Variants in PALLD observed in about 807,000 individuals in gnomAD.
PALLD encodes palladin.
Under a neutral mutation model 123.5 loss-of-function variants are expected in PALLD, and 61 were observed. The ratio of observed to expected loss-of-function variants is 0.49; its 90% CI spans 0.40 to 0.61. The LOEUF is 0.61. Among genes scored for constraint, PALLD ranks in the 20% least tolerant of loss-of-function variants. PALLD has a pLI of 0.00. For synonymous variants in PALLD, 465 were observed against 496.4 expected (o/e 0.94, Z 0.84); for missense variants, 1,273 against 1,377.0 (o/e 0.92, Z 1.20).
In PALLD at chr4:168,537,123, G is replaced by A. The variant is rs369468397; in HGVS notation, c.908+24711G>A. 5.9e-5 allele frequency among the ~76,000 whole-genome samples: 9 copies of A among 152,142 alleles called. No individual in the cohort carries two copies. The East Asian group carries it at 7.7e-4, about 13-fold the overall frequency. The stretch of plus-strand genomic sequence containing the variant: ...ACAGGCGTGAGCCACCGCGCCCAGC[G>A]GAAAAGATTTTCTAGAGTTTAGTGC... On this transcript the variant is annotated intron_variant, in intron 2 of 21. Coordinates refer to ENST00000505667, the MANE Select transcript of PALLD (RefSeq NM_001166108.2).
At chr4:168,647,490 G>A (rs972001449) in intron 2 of PALLD, among the ~76,000 whole-genome samples, 3 of 152,120 alleles carry the variant, frequency 2.0e-5, no homozygotes, top group African/African-American at 7.2e-5. Context: ...TTAAAAAAGA[G>A]GTGGCATGTG....
chr4:168,848,476 G>GT (rs1259837057), intron 10 of PALLD, among the ~76,000 whole-genome samples: 1 of 151,374 alleles, frequency 6.6e-6, no homozygotes, highest in African/African-American at 2.4e-5. Context: ...GGTGTTCTGT[G>GT]TTTTTTCTCC....
chr4:168,833,724 C>T (rs761384185), intron 10 of PALLD, among the ~76,000 whole-genome samples: 1 of 150,536 alleles, frequency 6.6e-6, no homozygotes, highest in Non-Finnish European at 1.5e-5. Flanking sequence ...AAGACAGCAT[C>T]TTTCTTGCTA....
At chr4:168,879,295 T>C (rs957421133) in intron 10 of PALLD, among the ~76,000 whole-genome samples, 2 of 152,254 alleles carry the variant, frequency 1.3e-5, no homozygotes, top group East Asian at 3.9e-4. Context: ...CTCAAAAAAA[T>C]ACAGTACAGG....
intron 10 of PALLD, among the ~76,000 whole-genome samples, chr4:168,886,257 G>C (rs1296283590): frequency 6.6e-6 from 1 of 151,910 alleles, no homozygotes; most frequent in African/African-American, 2.4e-5. Flanking sequence ...TTTTTTTCTA[G>C]GCTTAACAGG....
At chr4:168,513,305 G>A (rs1225898664) in intron 2 of PALLD, among the ~76,000 whole-genome samples, 1 of 152,194 alleles carries the variant, frequency 6.6e-6, no homozygotes, top group East Asian at 1.9e-4. Flanking sequence ...CTGGCCACTA[G>A]AGCATGGAGA....
At chr4:168,687,171 AT>A (rs530349772) in intron 6 of PALLD, among the ~76,000 whole-genome samples, 12 of 151,990 alleles carry the variant, frequency 7.9e-5, no homozygotes, top group African/African-American at 2.4e-5. Flanking sequence ...AGAAGGAGTG[AT>A]TTTTTTTCCC....
At chr4:168,614,708 A>T (rs1207238073) in intron 2 of PALLD, among the ~76,000 whole-genome samples, 3 of 151,342 alleles carry the variant, frequency 2.0e-5, no homozygotes, top group South Asian at 2.1e-4. Flanking sequence ...TTAACTATTT[A>T]AAAAAAAATC....
intron 2 of PALLD, among the ~76,000 whole-genome samples, chr4:168,627,013 T>C (rs983390221): frequency 6.6e-6 from 1 of 152,174 alleles, no homozygotes; most frequent in African/African-American, 2.4e-5. Context: ...GTTCTGGAGA[T>C]CTTTTGTACA....
chr4:168,649,908 G>T (rs1043970692), intron 2 of PALLD, among the ~76,000 whole-genome samples: 2 of 152,196 alleles, frequency 1.3e-5, no homozygotes, highest in African/African-American at 4.8e-5. Flanking sequence ...GCCAGGCATG[G>T]TGGCTCACGC....
intron 2 of PALLD, among the ~76,000 whole-genome samples, chr4:168,662,858 A>G (rs1052226689): frequency 2.0e-5 from 3 of 152,232 alleles, no homozygotes; most frequent in Middle Eastern, 3.2e-3. Context: ...TCAAAACTCT[A>G]AGATTCTGTT....
Position 168,851,391 on chromosome 4 carries a change from G to A in PALLD, c.1965-39531G>A, listed in dbSNP as rs757001430. Among the ~76,000 whole-genome samples, 4 of 152,140 alleles carry A rather than the reference G, an allele frequency of 2.6e-5. No homozygotes were observed. In the East Asian group the frequency reaches 5.8e-4, roughly 22 times the overall value. On this transcript the variant is annotated intron_variant, in intron 10 of 21. Transcript: ENST00000505667. ...TTTTGTTTTGTTTTGTTTTTGAGACGGAGTCTGGCTGTTTCACCCAGGCTG... is the reference window on the plus strand; with the variant it reads ...TTTTGTTTTGTTTTGTTTTTGAGACAGAGTCTGGCTGTTTCACCCAGGCTG...
At chr4:168,677,260 T>C (rs1780952399) in intron 3 of PALLD, among the ~76,000 whole-genome samples, 1 of 151,098 alleles carries the variant, frequency 6.6e-6, no homozygotes, top group African/African-American at 2.4e-5. Flanking sequence ...AGAATCGCCC[T>C]GAGGGGAAGG....
intron 2 of PALLD, among the ~76,000 whole-genome samples, chr4:168,592,957 A>G (rs1460290017): frequency 2.6e-5 from 4 of 152,092 alleles, no homozygotes; most frequent in African/African-American, 9.7e-5. Context: ...AGTCACATGA[A>G]TTAAGGCTTT....
Position 168,811,614 on chromosome 4 carries a change from T to C in PALLD, c.1965-79308T>C, listed in dbSNP as rs532702415. On this transcript the variant is annotated intron_variant, in intron 10 of 21. Coordinates refer to ENST00000505667, the MANE Select transcript of PALLD (RefSeq NM_001166108.2). ...AGCCGGGCATAGTGGCATGTGCCTG[T>C]AGTCCCCGCTACTCAAGAGACTGAG... Among the ~76,000 whole-genome samples the C allele has an allele frequency of 2.6e-5, 4 of 152,280 alleles. No homozygotes were observed. In the South Asian group the frequency reaches 8.3e-4, roughly 32 times the overall value.
At chr4:168,923,736 C>G (rs1487088196) in intron 18 of PALLD, among the ~76,000 whole-genome samples, 1 of 152,088 alleles carries the variant, frequency 6.6e-6, no homozygotes, top group Non-Finnish European at 1.5e-5. Context: ...ATAAAGATGC[C>G]TCCCCTTTAA....
intron 2 of PALLD, among the ~76,000 whole-genome samples, chr4:168,532,535 A>C (rs2149485231): frequency 6.6e-6 from 1 of 152,314 alleles, no homozygotes; most frequent in South Asian, 2.1e-4. Context: ...AACAAAATAC[A>C]CCATCAATAA....
chr4:168,706,037 CT>C (rs1223485480), intron 8 of PALLD, among the ~76,000 whole-genome samples: 1 of 152,040 alleles, frequency 6.6e-6, no homozygotes, highest in Admixed American at 6.5e-5. Flanking sequence ...TGAAATCTAC[CT>C]TCTTAAATTT....
chr4:168,672,148 G>A (rs2710838), intron 3 of PALLD, among the ~76,000 whole-genome samples: 54,412 of 151,972 alleles, frequency 0.36, 10,137 homozygotes, highest in African/African-American at 0.46. Context: ...CACATTCGTG[G>A]GGTATGTGGT....
Sources: gnomAD v4.1 joint callset for allele counts (sites outside exome capture counted in the v4.1 genomes callset) on GRCh38, gnomAD v4.1.1 for gene constraint, MANE v1.5 for transcripts, NCBI Gene and HGNC (gene_info 2026-07-23, HGNC 2026-07-21) for gene names.